The following FBXL17 variants were observed in gnomAD, a reference collection of about 807,000 sequenced individuals.
FBXL17 encodes the protein F-box and leucine rich repeat protein 17.
In FBXL17, 22 loss-of-function variants were observed where a neutral mutation model predicts 66.2. The observed-to-expected ratio is 0.33, with a 90% CI of 0.24 to 0.47. The LOEUF (loss-of-function observed/expected upper bound fraction) is 0.47. Ranked by LOEUF, FBXL17 falls within the 20% of genes least tolerant of loss-of-function variation. FBXL17 has a pLI of 1.00. For missense variants in FBXL17, 878 were observed against 948.2 expected, an observed-to-expected ratio of 0.93 and a Z score of 0.97; for synonymous variants, 474 against 400.5, an observed-to-expected ratio of 1.18 and a Z score of -2.19.
intron 6 of FBXL17, among the ~76,000 whole-genome samples, chr5:108,185,362 C>T (rs936744815): frequency 2.0e-5 from 3 of 152,144 alleles, no homozygotes; most frequent in East Asian, 1.9e-4. Flanking sequence ...CGCACAAGAA[C>T]TGGATGTCTA....
intron 1 of FBXL17, among the ~76,000 whole-genome samples, chr5:108,371,065 T>C (rs1339179889): frequency 6.6e-6 from 1 of 152,146 alleles, no homozygotes; most frequent in Non-Finnish European, 1.5e-5. Context: ...GAGAAAAAGC[T>C]ATCTTTCTGG....
chr5:108,122,450 G>A (rs1326238190), intron 6 of FBXL17, among the ~76,000 whole-genome samples: 1 of 152,108 alleles, frequency 6.6e-6, no homozygotes, highest in Non-Finnish European at 1.5e-5. Flanking sequence ...GTTACAAAAT[G>A]TAAAGATAAT....
At chr5:108,354,508 A>G (rs1437989372) in intron 3 of FBXL17, among the ~76,000 whole-genome samples, 1 of 152,128 alleles carries the variant, frequency 6.6e-6, no homozygotes, top group Non-Finnish European at 1.5e-5. Flanking sequence ...TACAAAAGGT[A>G]TAACATAAGT....
chr5:108,006,185 C>T (rs938191289), intron 7 of FBXL17, among the ~76,000 whole-genome samples: 1 of 152,126 alleles, frequency 6.6e-6, no homozygotes, highest in Admixed American at 6.6e-5. Context: ...AGGATAAACA[C>T]CATATTGCTA....
rs1412360505 is a variant in FBXL17, at chr5:108,035,013, A to AT, written c.1746-14013dup. Among the ~76,000 whole-genome samples, 4 of 152,232 alleles carry AT rather than the reference A, an allele frequency of 2.6e-5. No individual in the cohort carries two copies. In the East Asian group the frequency reaches 7.7e-4, roughly 29 times the overall value. Reference sequence around the variant, plus strand: ...CCCTTCCCCCAATAAACATTACATAATTTTTTTCTACTAATGATCTAATAC... The same window carrying AT: ...CCCTTCCCCCAATAAACATTACATAATTTTTTTTCTACTAATGATCTAATAC... On this transcript the variant is annotated intron_variant, in intron 6 of 8. Transcript: ENST00000542267.
At chr5:108,077,314 C>T (rs1186952868) in intron 6 of FBXL17, among the ~76,000 whole-genome samples, 1 of 152,062 alleles carries the variant, frequency 6.6e-6, no homozygotes, top group African/African-American at 2.4e-5. Context: ...TAAGTTAATC[C>T]TACTATGATT....
rs543585236 is a variant in FBXL17 at position 108,163,865 on chromosome 5, G to A, written c.1745+22252C>T. ...TTTGAAACTTTCCACCTAATTGCCTGAAATACTGCTCTCTTTAATTTCAGA... is the reference window on the plus strand; with the variant it reads ...TTTGAAACTTTCCACCTAATTGCCTAAAATACTGCTCTCTTTAATTTCAGA... On this transcript the variant is annotated intron_variant, in intron 6 of 8. Coordinates refer to ENST00000542267, the MANE Select transcript of FBXL17 (RefSeq NM_001163315.3). Among the ~76,000 whole-genome samples the A allele has an allele frequency of 5.3e-5, 8 of 152,308 alleles. No homozygotes were observed. The South Asian group carries it at 1.5e-3, about 28-fold the overall frequency.
intron 4 of FBXL17, among the ~76,000 whole-genome samples, chr5:108,283,215 C>G (rs1580741480): frequency 6.6e-6 from 1 of 151,862 alleles, no homozygotes; most frequent in African/African-American, 2.4e-5. Flanking sequence ...ACAAAAAGCA[C>G]AAAGCTAGAG....
intron 7 of FBXL17, among the ~76,000 whole-genome samples, chr5:107,974,837 T>C (rs116202371): frequency 0.012 from 1,779 of 152,158 alleles, 16 homozygotes; most frequent in South Asian, 0.038. Context: ...AAGAGACATC[T>C]ACTAACAGAA....
At chr5:108,302,038 G>A in intron 4 of FBXL17, 1 of 984,834 alleles carries the variant, frequency 1.0e-6, no homozygotes, top group Non-Finnish European at 1.2e-6. Flanking sequence ...ACATTTCTGT[G>A]CGCCAACCCA....
At chr5:107,890,825 G>C (rs1490854717) in intron 7 of FBXL17, among the ~76,000 whole-genome samples, 1 of 152,130 alleles carries the variant, frequency 6.6e-6, no homozygotes, top group African/African-American at 2.4e-5. Context: ...AAGGAAAACA[G>C]AGGAAAAGGG....
At chr5:107,972,132 C>G (rs956107467) in intron 7 of FBXL17, among the ~76,000 whole-genome samples, 2 of 152,158 alleles carry the variant, frequency 1.3e-5, no homozygotes, top group African/African-American at 4.8e-5. Flanking sequence ...ACTCATAGCC[C>G]TGTGCACAGT....
chr5:108,070,447 C>A (rs1209640788), intron 6 of FBXL17, among the ~76,000 whole-genome samples: 2 of 152,108 alleles, frequency 1.3e-5, no homozygotes, highest in African/African-American at 2.4e-5. Flanking sequence ...AAAATGAAAA[C>A]CGAAAAATTA....
intron 7 of FBXL17, among the ~76,000 whole-genome samples, chr5:108,002,469 G>A (rs1426300244): frequency 6.6e-6 from 1 of 151,942 alleles, no homozygotes; most frequent in African/African-American, 2.4e-5. Context: ...ATACATAACC[G>A]ACTTAGTAAG....
chr5:107,861,957 C>T (rs189361131), intron 8 of FBXL17, 97 bp from the exon 9 acceptor site: 486 of 1,292,632 alleles, frequency 3.8e-4, no homozygotes, highest in African/African-American at 2.6e-3. Flanking sequence ...CACTGTGACA[C>T]GAAGAGCCCT....
intron 8 of FBXL17, among the ~76,000 whole-genome samples, chr5:107,871,750 A>G (rs542985958): frequency 1.4e-5 from 2 of 142,770 alleles, no homozygotes; most frequent in African/African-American, 5.1e-5. Flanking sequence ...CAGCAATTTG[A>G]AAAAAAAAAA....
chr5:108,193,585 A>G (rs888681675), intron 5 of FBXL17, among the ~76,000 whole-genome samples: 3 of 152,154 alleles, frequency 2.0e-5, no homozygotes, highest in African/African-American at 7.2e-5. Flanking sequence ...ACTAGGCTGG[A>G]ATCTCAGCTA....
At chr5:107,887,726 G>A (rs900220540) in intron 7 of FBXL17, among the ~76,000 whole-genome samples, 1 of 152,158 alleles carries the variant, frequency 6.6e-6, no homozygotes, top group East Asian at 1.9e-4. Flanking sequence ...TACAGGGATG[G>A]TTCCTAACTC....
chr5:107,872,159 G>T (rs1476702005), intron 8 of FBXL17, among the ~76,000 whole-genome samples: 1 of 152,178 alleles, frequency 6.6e-6, no homozygotes, highest in Non-Finnish European at 1.5e-5. Context: ...CCTGAAAATA[G>T]GTGATATTCT....
Sources: allele counts gnomAD v4.1 joint callset (sites outside exome capture counted in the v4.1 genomes callset), GRCh38; gene constraint gnomAD v4.1.1; transcripts MANE v1.5; gene names NCBI Gene and HGNC (gene_info 2026-07-23, HGNC 2026-07-21).